The following CDC37L1 variants were observed in gnomAD, a reference collection of about 807,000 sequenced individuals.
CDC37L1 encodes cell division cycle 37 like 1, HSP90 cochaperone, also known as hsp90 co-chaperone Cdc37-like 1.
CDC37L1 carries 32 observed loss-of-function variants against 45.9 expected under a neutral mutation model. That is an observed-to-expected ratio of 0.70 (90% CI 0.53 to 0.94). The LOEUF (loss-of-function observed/expected upper bound fraction) is 0.94, where lower values mean the gene tolerates loss of function less well. Among genes scored for constraint, CDC37L1 ranks in the 40% least tolerant of loss-of-function variants. CDC37L1 has a pLI of 0.00. For synonymous variants in CDC37L1, 150 were observed against 133.0 expected, an observed-to-expected ratio of 1.13 and a Z score of -0.88; for missense variants, 434 against 405.7, an observed-to-expected ratio of 1.07 and a Z score of -0.60.
chr9:4,702,994 G>A (rs1278202284), intron 6 of CDC37L1: 3 of 1,315,044 alleles, frequency 2.3e-6, no homozygotes, highest in Non-Finnish European at 3.1e-6. Context: ...ATGCTAGTTA[G>A]GATTACAAGT....
chr9:4,694,461 A>G lies in CDC37L1; in HGVS notation c.509-2635A>G, dbSNP rs150851087. Among the ~76,000 whole-genome samples, 268 of 152,362 alleles carry G rather than the reference A, an allele frequency of 1.8e-3. 2 individuals are homozygous for G. Among genetic ancestry groups the G allele is most frequent in the Middle Eastern group, 0.01 (3 of 294 alleles). On this transcript the variant is annotated intron_variant, in intron 3 of 6. Transcript: ENST00000381854. ...ACCTGTAACTGAACTTCTCAATTTC[A>G]TACTAATTCAATGTGCATTTTTGAA...
At position 4,706,224 on chromosome 9, in the gene CDC37L1, T is replaced by G; in HGVS notation, c.*112T>G. ...CACTTTATTTTTGTTCGGTTTTTGA[T>G]GGGAGGGAAAGAGTACTGAAATGTT... On this transcript the variant is annotated 3_prime_UTR_variant, in exon 7 of 7. Coordinates refer to ENST00000381854, the MANE Select transcript of CDC37L1 (RefSeq NM_017913.4). The G allele has an allele frequency of 1.8e-6, 1 of 545,298 alleles. No individual in the cohort carries two copies. Among genetic ancestry groups the G allele is most frequent in the East Asian group, 2.8e-5 (1 of 35,248 alleles). 33.8% of individuals were successfully genotyped at this position (545,298 alleles called of 1,614,324 possible).
Position 4,706,222 on chromosome 9 carries a change from G to C in CDC37L1, c.*110G>C. 1 of 539,606 alleles carries C rather than the reference G, an allele frequency of 1.9e-6. No individual in the cohort carries two copies. Among genetic ancestry groups the C allele is most frequent in the Non-Finnish European group, 3.4e-6 (1 of 291,290 alleles). 33.4% of individuals were successfully genotyped at this position (539,606 alleles called of 1,614,324 possible). ...TGCACTTTATTTTTGTTCGGTTTTTGATGGGAGGGAAAGAGTACTGAAATG... is the reference window on the plus strand; with the variant it reads ...TGCACTTTATTTTTGTTCGGTTTTTCATGGGAGGGAAAGAGTACTGAAATG... On this transcript the variant is annotated 3_prime_UTR_variant, in exon 7 of 7. Transcript: ENST00000381854.
chr9:4,702,715 T>A (rs1314467971), intron 6 of CDC37L1, among the ~76,000 whole-genome samples: 1 of 150,110 alleles, frequency 6.7e-6, no homozygotes, highest in Non-Finnish European at 1.5e-5. Flanking sequence ...CCCCGTCTCT[T>A]CTAAAAAAAA....
chr9:4,691,879 A>G (rs1009686226), intron 3 of CDC37L1, among the ~76,000 whole-genome samples: 3 of 152,228 alleles, frequency 2.0e-5, no homozygotes, highest in Admixed American at 6.5e-5. Flanking sequence ...TTTAAAAACA[A>G]AGGCTTTTAT....
At chr9:4,680,018 G>GCCGGGGA (rs1841174143) in intron 1 of CDC37L1, 119 bp downstream of exon 1, 2 of 1,316,612 alleles carry the variant, frequency 1.5e-6, no homozygotes, top group Non-Finnish European at 2.1e-6. Context: ...ACTGCCAGGG[G>GCCGGGGA]CCGGGGACCT....
chr9:4,706,293 T>C lies in CDC37L1; in HGVS notation c.*181T>C. The C allele has an allele frequency of 2.3e-6, 1 of 426,146 alleles. No individual in the cohort carries two copies. The highest frequency in any genetic ancestry group is 2.0e-5 in the African/African-American group (1 of 50,816). 26.4% of individuals were successfully genotyped at this position (426,146 alleles called of 1,614,324 possible). On this transcript the variant is annotated 3_prime_UTR_variant, in exon 7 of 7. Coordinates refer to ENST00000381854, the MANE Select transcript of CDC37L1 (RefSeq NM_017913.4). ...GTGCTGCTAGGTTTTTTGTTTTGTTTTGTTCTGAAGAGAAGAGTGGTACCA... is the reference window on the plus strand; with the variant it reads ...GTGCTGCTAGGTTTTTTGTTTTGTTCTGTTCTGAAGAGAAGAGTGGTACCA...
At position 4,707,030 on chromosome 9, in the gene CDC37L1, AAGG is replaced by A. The variant is rs1841450003; in HGVS notation, c.*921_*923del. 1.4e-5 allele frequency: 2 copies of A among 140,040 alleles called. No homozygotes were observed. The highest frequency in any genetic ancestry group is 3.5e-3 in the Middle Eastern group (1 of 286). 8.7% of individuals were successfully genotyped at this position (140,040 alleles called of 1,614,324 possible). On this transcript the variant is annotated 3_prime_UTR_variant, in exon 7 of 7. Transcript: ENST00000381854. The stretch of plus-strand genomic sequence containing the variant: ...TATTTTTTGATGTAGCCTTTTAAAA[AAGG>A]AGTCTTAAAAATGATTTTTTTTTTA...
At chr9:4,685,183 TGAAA>T in intron 2 of CDC37L1, 25 bp downstream of exon 2, 1 of 1,584,798 alleles carries the variant, frequency 6.3e-7, no homozygotes. Flanking sequence ...TGGGCCATAA[TGAAA>T]GAAGAAAAAC....
At chr9:4,681,902 T>G (rs1244125033) in intron 1 of CDC37L1, among the ~76,000 whole-genome samples, 1 of 152,174 alleles carries the variant, frequency 6.6e-6, no homozygotes, top group Non-Finnish European at 1.5e-5. Flanking sequence ...AGATCATGTT[T>G]AATGTCCCTC....
chr9:4,703,266 A>G (rs961409392), intron 6 of CDC37L1: 3 of 487,298 alleles, frequency 6.2e-6, no homozygotes, highest in Admixed American at 4.3e-5. Flanking sequence ...CACCATTCCA[A>G]TTACATGTAT....
At chr9:4,684,171 G>C (rs1471976524) in intron 1 of CDC37L1, among the ~76,000 whole-genome samples, 2 of 152,096 alleles carry the variant, frequency 1.3e-5, no homozygotes, top group East Asian at 3.8e-4. Flanking sequence ...GTAGTCCCAG[G>C]TACTTGGGAG....
chr9:4,679,802 G>A lies in CDC37L1; in HGVS notation c.35G>A (p.Ser12Asn), dbSNP rs747444348. ...EQPWPPPGPWSLPRAEGEAEE... is the reference protein window; with the variant it reads ...EQPWPPPGPWNLPRAEGEAEE... ...CCGTGGCCGCCTCCGGGACCCTGGAGCCTCCCTCGGGCCGAGGGTGAGGCT... is the reference window on the plus strand; with the variant it reads ...CCGTGGCCGCCTCCGGGACCCTGGAACCTCCCTCGGGCCGAGGGTGAGGCT... The change falls in exon 1 of 7, where the codon AGC becomes AAC. Residue 12 changes from serine (S) to asparagine (N), a missense_variant. Ser to Asn is a conservative substitution (Grantham distance 46, BLOSUM62 1). Coordinates refer to ENST00000381854, the MANE Select transcript of CDC37L1 (RefSeq NM_017913.4). The A allele has an allele frequency of 6.2e-7, 1 of 1,613,686 alleles. No individual in the cohort carries two copies. The highest frequency in any genetic ancestry group is 1.7e-5 in the Admixed American group (1 of 60,016).
intron 3 of CDC37L1, among the ~76,000 whole-genome samples, chr9:4,690,536 A>G (rs1031390258): frequency 6.6e-6 from 1 of 152,238 alleles, no homozygotes; most frequent in African/African-American, 2.4e-5. Flanking sequence ...TCACAAACCT[A>G]TGCCACCACG....
At chr9:4,691,764 T>C (rs570766393) in intron 3 of CDC37L1, among the ~76,000 whole-genome samples, 1 of 152,336 alleles carries the variant, frequency 6.6e-6, no homozygotes, top group South Asian at 2.1e-4. Flanking sequence ...AATGGTACAA[T>C]ATATCATGGA....
At chr9:4,702,247 G>C (rs1841405894) in intron 6 of CDC37L1, among the ~76,000 whole-genome samples, 1 of 152,080 alleles carries the variant, frequency 6.6e-6, no homozygotes, top group South Asian at 2.1e-4. Flanking sequence ...TAATGTAGTA[G>C]TGATTAGTTA....
chr9:4,706,055 C>A lies in CDC37L1; in HGVS notation c.957C>A (p.Ser319Arg). 1 of 1,606,200 alleles carries A rather than the reference C, an allele frequency of 6.2e-7. No homozygotes were observed. Among genetic ancestry groups the A allele is most frequent in the Non-Finnish European group, 8.5e-7 (1 of 1,172,926 alleles). The part of the protein sequence containing the change: ...LQYSISTALC[S>R]LNSVVHKEDD... ...ATTCTATCAGTACAGCTCTCTGCAG[C>A]TTAAACTCGGTGGTACATAAAGAAG... Residue 319 changes from serine (S) to arginine (R), a missense_variant, in exon 7 of 7, where the codon AGC becomes AGA. Coordinates refer to ENST00000381854, the MANE Select transcript of CDC37L1 (RefSeq NM_017913.4).
At chr9:4,701,362 T>G (rs746368748) in intron 5 of CDC37L1, among the ~76,000 whole-genome samples, 8 of 152,220 alleles carry the variant, frequency 5.3e-5, no homozygotes, top group Non-Finnish European at 8.8e-5. Context: ...ACTATTGAAT[T>G]CTATTTGGTT....
intron 2 of CDC37L1, among the ~76,000 whole-genome samples, chr9:4,687,929 C>T (rs767409247): frequency 6.6e-6 from 1 of 152,110 alleles, no homozygotes; most frequent in Non-Finnish European, 1.5e-5. Flanking sequence ...GGAAATTCAG[C>T]TTACCAAAAA....
Sources: allele counts gnomAD v4.1 joint callset (sites outside exome capture counted in the v4.1 genomes callset), GRCh38; gene constraint gnomAD v4.1.1; transcripts MANE v1.5; gene names NCBI Gene and HGNC (gene_info 2026-07-23, HGNC 2026-07-21).